MYCBP2: variants seen among roughly 807,000 people sequenced by gnomAD.
MYCBP2 encodes MYC binding protein 2, also known as E3 ubiquitin-protein ligase MYCBP2.
Under a neutral mutation model 525.3 loss-of-function variants are expected in MYCBP2, and 120 were observed. The ratio of observed to expected loss-of-function variants is 0.23; its 90% confidence interval spans 0.20 to 0.27. The LOEUF (loss-of-function observed/expected upper bound fraction) is 0.27, where lower values mean the gene tolerates loss of function less well. Ranked by LOEUF, MYCBP2 falls within the 10% of genes least tolerant of loss-of-function variation. The probability of loss-of-function intolerance (pLI) is 1.00; values close to 1 mark genes in which losing one functional copy is unlikely to be tolerated. For synonymous variants in MYCBP2, 1,894 were observed against 1,955.8 expected (o/e 0.97, Z 0.83); for missense variants, 4,149 against 5,657.1 (o/e 0.73, Z 8.55).
intron 23 of MYCBP2, 52 bp downstream of exon 23, chr13:77,211,115 G>A: frequency 7.6e-7 from 1 of 1,320,422 alleles, no homozygotes; most frequent in Non-Finnish European, 9.9e-7. Context: ...ATTACCATAA[G>A]AGTATAACTG....
chr13:77,056,374 A>G (rs1048467700), intron 79 of MYCBP2, among the ~76,000 whole-genome samples: 4 of 152,142 alleles, frequency 2.6e-5, no homozygotes, highest in African/African-American at 7.2e-5. Context: ...GCAAATACGA[A>G]GATAAGAAAA....
chr13:77,287,483 G>A (rs1327892746), intron 3 of MYCBP2, among the ~76,000 whole-genome samples: 1 of 152,096 alleles, frequency 6.6e-6, no homozygotes, highest in Non-Finnish European at 1.5e-5. Flanking sequence ...CACTGCGCCC[G>A]GCCTACAATA....
chr13:77,086,130 T>C (rs1445213853), intron 62 of MYCBP2, among the ~76,000 whole-genome samples: 2 of 152,106 alleles, frequency 1.3e-5, no homozygotes, highest in Admixed American at 1.3e-4. Context: ...CTTTCTTTTC[T>C]CTTCATTGAT....
At chr13:77,093,098 T>C (rs2045703246) in intron 59 of MYCBP2, 67 bp downstream of exon 59, 3 of 1,461,810 alleles carry the variant, frequency 2.1e-6, no homozygotes, top group African/African-American at 2.9e-5. Context: ...ACAGGACTCT[T>C]TTCTAGTTCA....
intron 55 of MYCBP2, among the ~76,000 whole-genome samples, chr13:77,106,933 G>T (rs1046499974): frequency 3.3e-5 from 5 of 152,118 alleles, no homozygotes; most frequent in African/African-American, 1.2e-4. Flanking sequence ...ATTGGCAAGA[G>T]CTTGAGGAGG....
At chr13:77,077,593 C>T in intron 66 of MYCBP2, 1 of 569,918 alleles carries the variant, frequency 1.8e-6, no homozygotes, top group South Asian at 2.7e-5. Context: ...GATGAAGAAA[C>T]TAAGGTTAAT....
At chr13:77,267,074 G>A (rs73223430) in intron 8 of MYCBP2, among the ~76,000 whole-genome samples, 3,401 of 152,118 alleles carry the variant, frequency 0.022, 57 homozygotes, top group Middle Eastern at 0.075. Flanking sequence ...TTGCTACTAT[G>A]AAATTATTGA....
At position 77,166,326 on chromosome 13, in the gene MYCBP2, T is replaced by C. The variant is rs1237697084; in HGVS notation, c.6340+3A>G. On this transcript the variant is annotated splice_donor_region_variant and intron_variant, in intron 41 of 82. Coordinates refer to ENST00000544440, the MANE Select transcript of MYCBP2 (RefSeq NM_015057.5). Reference sequence around the variant, plus strand: ...CATAAAACAGAAGAAAAAAAAAACTTACCTGGCAACACCAAAACCATAGTA... The same window carrying C: ...CATAAAACAGAAGAAAAAAAAAACTCACCTGGCAACACCAAAACCATAGTA... 1 of 1,584,272 alleles carries C rather than the reference T, an allele frequency of 6.3e-7. No individual in the cohort carries two copies. The highest frequency in any genetic ancestry group is 1.9e-5 in the Admixed American group (1 of 53,476).
At chr13:77,133,033 T>C (rs1170542161) in intron 52 of MYCBP2, among the ~76,000 whole-genome samples, 2 of 152,186 alleles carry the variant, frequency 1.3e-5, no homozygotes, top group Non-Finnish European at 2.9e-5. Context: ...GTATTTATCT[T>C]TCTGTAGTTT....
Position 77,263,946 on chromosome 13 carries a change from T to C in MYCBP2, c.1414A>G (p.Ile472Val). The C allele has an allele frequency of 1.9e-6, 3 of 1,612,552 alleles. No homozygotes were observed. The highest frequency in any genetic ancestry group is 2.5e-6 in the Non-Finnish European group (3 of 1,179,072). The change falls in exon 9 of 83, where the codon ATA (isoleucine) becomes GTA (valine). Residue 472 changes from isoleucine (I) to valine (V), a missense_variant. Coordinates refer to ENST00000544440, the MANE Select transcript of MYCBP2 (RefSeq NM_015057.5). ...ATACTTACATCTCTTGAAGCAGCTA[T>C]CTGATTAATATATTCTCCATCAGTG... ...LFTDGEYINQ[I>V]AASRDDGFVV... is the part of the protein sequence containing the mutation.
chr13:77,157,714 C>T (rs1356021584), intron 45 of MYCBP2, among the ~76,000 whole-genome samples: 1 of 152,004 alleles, frequency 6.6e-6, no homozygotes, highest in South Asian at 2.1e-4. Context: ...CATGCCACTG[C>T]ACTCCAGCCT....
chr13:77,183,423 T>C (rs2060404292), intron 32 of MYCBP2, among the ~76,000 whole-genome samples: 3 of 152,074 alleles, frequency 2.0e-5, no homozygotes, highest in South Asian at 2.1e-4. Context: ...AATTCAGATT[T>C]TTCTATTTCT....
intron 52 of MYCBP2, among the ~76,000 whole-genome samples, chr13:77,131,971 TA>T (rs1428042299): frequency 3.9e-5 from 6 of 152,142 alleles, no homozygotes; most frequent in Non-Finnish European, 8.8e-5. Context: ...TTCCTTGTGT[TA>T]GATAAGCACA....
At chr13:77,082,700 G>A (rs1328429123) in intron 63 of MYCBP2, among the ~76,000 whole-genome samples, 2 of 152,056 alleles carry the variant, frequency 1.3e-5, no homozygotes, top group African/African-American at 2.4e-5. Flanking sequence ...CTCTATTTTG[G>A]TTTTTGTTTT....
intron 16 of MYCBP2, 95 bp downstream of exon 16, chr13:77,243,711 T>C: frequency 9.2e-7 from 1 of 1,084,186 alleles, no homozygotes. Flanking sequence ...ATTATCCTAA[T>C]TTATTAACAT....
chr13:77,105,290 G>A (rs2047681259), intron 55 of MYCBP2, among the ~76,000 whole-genome samples: 2 of 152,154 alleles, frequency 1.3e-5, no homozygotes, highest in Admixed American at 1.3e-4. Flanking sequence ...GAGGTTTAAG[G>A]ACAAACTCCT....
chr13:77,298,712 T>G (rs1330355703), intron 1 of MYCBP2, among the ~76,000 whole-genome samples: 2 of 152,320 alleles, frequency 1.3e-5, no homozygotes, highest in East Asian at 3.9e-4. Flanking sequence ...TTGGGATTAT[T>G]TTGCACAGAC....
intron 2 of MYCBP2, among the ~76,000 whole-genome samples, chr13:77,296,006 G>A (rs1377991179): frequency 6.6e-6 from 1 of 152,114 alleles, no homozygotes; most frequent in Non-Finnish European, 1.5e-5. Context: ...CCTGTAGTCA[G>A]ATTGAAAAAA....
At chr13:77,111,950 T>C (rs1034897049) in intron 55 of MYCBP2, among the ~76,000 whole-genome samples, 1 of 152,190 alleles carries the variant, frequency 6.6e-6, no homozygotes, top group African/African-American at 2.4e-5. Context: ...TCTAAGACAC[T>C]GACACTAGGT....
Sources: allele counts gnomAD v4.1 joint callset (sites outside exome capture counted in the v4.1 genomes callset), GRCh38; gene constraint gnomAD v4.1.1; transcripts MANE v1.5; gene names NCBI Gene and HGNC (gene_info 2026-07-23, HGNC 2026-07-21).